Variants in RC3H2 observed in about 807,000 individuals in gnomAD.
RC3H2 encodes roquin-2.
Under a neutral mutation model 133.3 loss-of-function variants are expected in RC3H2, and 31 were observed. The ratio of observed to expected loss-of-function variants is 0.23; its 90% confidence interval spans 0.17 to 0.31. RC3H2 has a LOEUF of 0.31. RC3H2 is among the 10% of genes least tolerant of loss of function. The pLI is 1.00. For missense variants in RC3H2, 1,175 were observed against 1,437.2 expected (o/e 0.82, Z 2.95); for synonymous variants, 517 against 502.2 (o/e 1.03, Z -0.40).
At chr9:122,878,812 G>A (rs1305960419) in intron 8 of RC3H2, among the ~76,000 whole-genome samples, 3 of 151,488 alleles carry the variant, frequency 2.0e-5, no homozygotes, top group East Asian at 4.0e-4. Context: ...GCAGTGGCGC[G>A]ATCTCGGCTC....
intron 4 of RC3H2, among the ~76,000 whole-genome samples, chr9:122,885,509 C>T (rs560587858): frequency 6.6e-6 from 1 of 152,100 alleles, no homozygotes; most frequent in East Asian, 1.9e-4. Context: ...ACCAAGGTAA[C>T]GTATCTAGTT....
chr9:122,883,479 T>A, intron 4 of RC3H2, 100 bp from the exon 5 acceptor site: 1 of 754,580 alleles, frequency 1.3e-6, no homozygotes, highest in Non-Finnish European at 2.0e-6. Flanking sequence ...TAGTGGCCCA[T>A]TACCCATAAT....
chr9:122,875,847 T>A (rs938252838), intron 9 of RC3H2, among the ~76,000 whole-genome samples: 17 of 152,124 alleles, frequency 1.1e-4, no homozygotes, highest in Admixed American at 2.0e-4. Context: ...CAGACACAGA[T>A]TAGATGATGC....
Position 122,858,921 on chromosome 9 carries a change from C to CGGA in RC3H2, c.2028_2030dup (p.Pro677dup). On this transcript the variant is annotated inframe_insertion, in exon 12 of 21. Transcript: ENST00000357244. ...CTGGAGGAACTGGTCCATACGGCTG[C>CGGA]GGAGGAGGAGGCTGGTAAGGAGAAG... is the stretch of plus-strand genomic sequence containing the variant. The CGGA allele has an allele frequency of 6.2e-7, 1 of 1,614,068 alleles. No individual in the cohort carries two copies. Among genetic ancestry groups the CGGA allele is most frequent in the Non-Finnish European group, 8.5e-7 (1 of 1,180,010 alleles).
At chr9:122,859,584 G>A (rs565682770) in intron 11 of RC3H2, among the ~76,000 whole-genome samples, 42 of 152,036 alleles carry the variant, frequency 2.8e-4, no homozygotes, top group Non-Finnish European at 5.6e-4. Flanking sequence ...GGGAGCAGAC[G>A]TTAAAGACCT....
At chr9:122,886,278 A>G (rs1056326467) in intron 4 of RC3H2, among the ~76,000 whole-genome samples, 4 of 152,198 alleles carry the variant, frequency 2.6e-5, no homozygotes, top group African/African-American at 9.7e-5. Flanking sequence ...TTATGGATAC[A>G]TTACATTTTG....
intron 9 of RC3H2, among the ~76,000 whole-genome samples, chr9:122,869,641 C>A (rs1488867463): frequency 6.7e-6 from 1 of 149,024 alleles, no homozygotes; most frequent in Admixed American, 6.7e-5. Flanking sequence ...CAGCTCACTG[C>A]AACCTCTGCT....
chr9:122,851,499 C>G (rs1005018981), intron 18 of RC3H2, 63 bp from the exon 19 acceptor site: 11 of 1,567,220 alleles, frequency 7.0e-6, no homozygotes, highest in Non-Finnish European at 8.6e-6. Flanking sequence ...CTCCCTCTCC[C>G]CATGGTCTCC....
At chr9:122,872,264 A>G (rs1564299514) in intron 9 of RC3H2, among the ~76,000 whole-genome samples, 3 of 152,184 alleles carry the variant, frequency 2.0e-5, no homozygotes, top group Admixed American at 6.5e-5. Context: ...CAATTGGTCC[A>G]TGTTGTCAGC....
Position 122,855,384 on chromosome 9 carries a change from C to G in RC3H2, c.2615G>C (p.Gly872Ala). The change falls in exon 15 of 21, where the codon GGT (glycine) becomes GCT (alanine). Residue 872 changes from glycine to alanine, a missense_variant. Physicochemically the swap from Gly to Ala is moderately conservative, Grantham distance 60. Coordinates refer to ENST00000357244, the MANE Select transcript of RC3H2 (RefSeq NM_001100588.3). Reference protein sequence around the residue: ...SNAVLMDLDSGDVKRRVHLFE... With the variant: ...SNAVLMDLDSADVKRRVHLFE... The stretch of plus-strand genomic sequence containing the variant: ...TAAATGTACTCTTCTCTTAACATCA[C>G]CACTGTCCAGGTCCTATGTAAACCA... 1 of 1,613,128 alleles carries G rather than the reference C, an allele frequency of 6.2e-7. No homozygotes were observed. The highest frequency in any genetic ancestry group is 1.1e-5 in the South Asian group (1 of 91,040).
chr9:122,860,432 G>C (rs1830414662), intron 10 of RC3H2, among the ~76,000 whole-genome samples: 1 of 145,936 alleles, frequency 6.9e-6, no homozygotes, highest in African/African-American at 2.6e-5. Context: ...TTTTGAGACA[G>C]GGTGTCACTC....
At chr9:122,904,351 G>C (rs1244622105) in intron 1 of RC3H2, among the ~76,000 whole-genome samples, 2 of 152,182 alleles carry the variant, frequency 1.3e-5, no homozygotes, top group African/African-American at 4.8e-5. Flanking sequence ...CGGCTGCCTT[G>C]GGATTTGAAG....
chr9:122,848,707 G>A lies in RC3H2; in HGVS notation c.*920C>T, dbSNP rs1420674392. 2 of 152,088 alleles carry A rather than the reference G, an allele frequency of 1.3e-5. No individual in the cohort carries two copies. Among genetic ancestry groups the A allele is most frequent in the African/African-American group, 4.8e-5 (2 of 41,418 alleles). The allele number at this position is 152,088 out of a possible 1,614,324, so 9.4% of individuals were successfully genotyped here. ...TAGTCAGTGCAAACGCTACATACAG[G>A]GTTTTCTCAAGAAAGCTGAAAGCAC... On this transcript the variant is annotated 3_prime_UTR_variant, in exon 21 of 21. Coordinates refer to ENST00000357244, the MANE Select transcript of RC3H2 (RefSeq NM_001100588.3).
At chr9:122,856,049 T>C (rs1830237021) in intron 13 of RC3H2, among the ~76,000 whole-genome samples, 171 bp from the exon 14 acceptor site, 2 of 152,186 alleles carry the variant, frequency 1.3e-5, no homozygotes, top group African/African-American at 4.8e-5. Context: ...ATTTTTACAA[T>C]AGAAAATGGC....
rs371462016 is a variant in RC3H2 at position 122,855,721 on chromosome 9, C to T, written c.2601+11G>A. ...TCACCTCCAACCCCTGCAACCCCAG[C>T]AAAATCATACCATTAACACAGCATT... is the stretch of plus-strand genomic sequence containing the variant. On this transcript the variant is annotated intron_variant, in intron 14 of 20. Coordinates refer to ENST00000357244, the MANE Select transcript of RC3H2 (RefSeq NM_001100588.3). The T allele has an allele frequency of 8.1e-6, 13 of 1,605,770 alleles. No individual in the cohort carries two copies. The highest frequency in any genetic ancestry group is 1.3e-5 in the African/African-American group (1 of 74,548).
At chr9:122,894,216 G>A (rs1447794256) in intron 2 of RC3H2, among the ~76,000 whole-genome samples, 1 of 151,226 alleles carries the variant, frequency 6.6e-6, no homozygotes, top group African/African-American at 2.4e-5. Flanking sequence ...CCGAGATCGC[G>A]CCACTGCACT....
At chr9:122,882,635 C>T (rs1831697611) in intron 5 of RC3H2, among the ~76,000 whole-genome samples, 1 of 152,166 alleles carries the variant, frequency 6.6e-6, no homozygotes. Flanking sequence ...ACCCGCTAGA[C>T]TATTAGACAA....
rs1830019363 is a variant in RC3H2, at chr9:122,851,562, T to C, written c.3118-126A>G. The stretch of plus-strand genomic sequence containing the variant: ...CTCATGCCGAGCCGAAGCTGGACTA[T>C]ACTGCTGCCATCTCGGCTCACTGCA... On this transcript the variant is annotated intron_variant, in intron 18 of 20. Coordinates refer to ENST00000357244, the MANE Select transcript of RC3H2 (RefSeq NM_001100588.3). 2.0e-5 allele frequency: 25 copies of C among 1,279,266 alleles called. No homozygotes were observed. The Admixed American group carries it at 5.7e-4, about 29-fold the overall frequency. The allele number at this position is 1,279,266 out of a possible 1,614,324, so 79.2% of individuals were successfully genotyped here. A position where few individuals can be genotyped will look rare whatever the true frequency, so the allele number is the denominator to read the frequency against.
At chr9:122,891,795 A>G (rs932873970) in intron 3 of RC3H2, among the ~76,000 whole-genome samples, 17 of 152,222 alleles carry the variant, frequency 1.1e-4, no homozygotes, top group African/African-American at 3.1e-4. Flanking sequence ...AAAATACTCA[A>G]TATATTCAAT....
Sources: allele counts gnomAD v4.1 joint callset (sites outside exome capture counted in the v4.1 genomes callset), GRCh38; gene constraint gnomAD v4.1.1; transcripts MANE v1.5; gene names NCBI Gene and HGNC (gene_info 2026-07-23, HGNC 2026-07-21).